Variants in TMX4 observed in about 807,000 individuals in gnomAD.
The protein encoded by TMX4 is thioredoxin-related transmembrane protein 4.
Under a neutral mutation model 33.3 loss-of-function variants are expected in TMX4, and 23 were observed. The observed-to-expected ratio is 0.69, with a 90% CI of 0.50 to 0.98. The LOEUF is 0.98. Among genes scored for constraint, TMX4 ranks in the 50% least tolerant of loss-of-function variants. The pLI is 0.00. For synonymous variants in TMX4, 164 were observed against 161.5 expected, an observed-to-expected ratio of 1.02 and a Z score of -0.12; for missense variants, 399 against 448.9, an observed-to-expected ratio of 0.89 and a Z score of 1.01.
At position 7,980,301 on chromosome 20, in the gene TMX4, A is replaced by T. The variant is rs972550979; in HGVS notation, c.*1950T>A. 1 of 152,220 alleles carries T rather than the reference A, an allele frequency of 6.6e-6. No individual in the cohort carries two copies. The highest frequency in any genetic ancestry group is 2.4e-5 in the African/African-American group (1 of 41,456). 9.4% of individuals were successfully genotyped at this position (152,220 alleles called of 1,614,324 possible). On this transcript the variant is annotated 3_prime_UTR_variant, in exon 8 of 8. Transcript: ENST00000246024. ...AAAGCCAAACTATGAAACCATTCTT[A>T]TTCCATAATACCTCTGAACCTGAGT...
intron 4 of TMX4, among the ~76,000 whole-genome samples, chr20:7,998,787 C>T (rs1600143837): frequency 6.6e-6 from 1 of 152,196 alleles, no homozygotes; most frequent in Admixed American, 6.5e-5. Flanking sequence ...TCAGATCTCA[C>T]CTAGAGGCGT....
At chr20:8,008,453 CTTA>C (rs2050739522) in intron 2 of TMX4, among the ~76,000 whole-genome samples, 1 of 152,048 alleles carries the variant, frequency 6.6e-6, no homozygotes, top group Admixed American at 6.6e-5. Context: ...CAATTTCTCT[CTTA>C]TTTCATTATC....
chr20:8,013,036 G>A (rs1308243491), intron 1 of TMX4, among the ~76,000 whole-genome samples: 5 of 152,044 alleles, frequency 3.3e-5, no homozygotes, highest in South Asian at 4.1e-4. Context: ...CTAAAGAACA[G>A]TAATTTGTAT....
chr20:8,000,976 C>G (rs531385163), intron 3 of TMX4, among the ~76,000 whole-genome samples: 1 of 152,306 alleles, frequency 6.6e-6, no homozygotes, highest in South Asian at 2.1e-4. Context: ...CTTCCCACAG[C>G]TAATCAGTCA....
intron 1 of TMX4, among the ~76,000 whole-genome samples, chr20:8,014,155 T>C (rs1227707873): frequency 6.6e-6 from 1 of 152,184 alleles, no homozygotes; most frequent in Non-Finnish European, 1.5e-5. Flanking sequence ...AGAGGAAACA[T>C]AAAAACTGGC....
rs749898443 is a variant in TMX4, at chr20:7,982,287, C to T, written c.1014G>A (p.Arg338=). 5 of 1,613,910 alleles carry T rather than the reference C, an allele frequency of 3.1e-6. No individual in the cohort carries two copies. Among genetic ancestry groups the T allele is most frequent in the Non-Finnish European group, 3.4e-6 (4 of 1,180,004 alleles). ...ADTEVVEDSL[R]QRKSQHADKG... ...TGTCAGCATGCTGACTTTTACGCTG[C>T]CTCAAGGAGTCTTCCACCACCTCTG... The change falls in exon 8 of 8, where the codon AGG becomes AGA. Residue 338 remains arginine, a synonymous_variant. Coordinates refer to ENST00000246024, the MANE Select transcript of TMX4 (RefSeq NM_021156.4).
chr20:8,001,382 T>C, intron 3 of TMX4, 114 bp downstream of exon 3: 3 of 1,102,068 alleles, frequency 2.7e-6, no homozygotes, highest in Non-Finnish European at 4.0e-6. Flanking sequence ...ACCAGCCTTG[T>C]TTCCCTCACA....
intron 2 of TMX4, among the ~76,000 whole-genome samples, chr20:8,004,644 T>G (rs547366143): frequency 2.6e-5 from 4 of 152,166 alleles, no homozygotes; most frequent in Non-Finnish European, 4.4e-5. Flanking sequence ...AAAGAAAAAT[T>G]AAAAGCTTAG....
rs747388581 is a variant in TMX4 at position 7,982,597 on chromosome 20, G to C, written c.704C>G (p.Ala235Gly). ...RSEQNRRSEE[A>G]HRAEQLQDAE... ...ATCCTGCAACTGTTCAGCTCTATGA[G>C]CCTCCTCTGATCTCCGATTCTGCTC... The change falls in exon 8 of 8, where the codon GCT becomes GGT. Residue 235 changes from alanine (A) to glycine (G), a missense_variant. Coordinates refer to ENST00000246024, the MANE Select transcript of TMX4 (RefSeq NM_021156.4). The C allele has an allele frequency of 2.3e-5, 37 of 1,612,586 alleles. No homozygotes were observed. Among genetic ancestry groups the C allele is most frequent in the Non-Finnish European group, 3.1e-5 (37 of 1,179,812 alleles).
chr20:8,003,685 A>T (rs2050716419), intron 2 of TMX4, among the ~76,000 whole-genome samples: 1 of 152,132 alleles, frequency 6.6e-6, no homozygotes, highest in Non-Finnish European at 1.5e-5. Flanking sequence ...ATGGTCTCTG[A>T]GGTTTTTCTG....
intron 2 of TMX4, among the ~76,000 whole-genome samples, chr20:8,004,431 A>C (rs1025207705): frequency 6.6e-6 from 1 of 152,224 alleles, no homozygotes; most frequent in Non-Finnish European, 1.5e-5. Context: ...GGAAGAAACA[A>C]GTATACTCCT....
At position 7,987,290 on chromosome 20, in the gene TMX4, G is replaced by A. The variant is rs1273310707; in HGVS notation, c.613C>T (p.Leu205=). ...ATLVFGLFMG[L]VLVVISECFY... is the part of the protein sequence containing the mutation. The stretch of plus-strand genomic sequence containing the variant: ...AAAAGTTTGGTATTATCTCTTACCA[G>A]ACCCATAAAAAGGCCAAAAACCAAG... The change falls in exon 6 of 8, where the codon CTG becomes TTG. Residue 205 remains leucine, a splice_region_variant and synonymous_variant. Coordinates refer to ENST00000246024, the MANE Select transcript of TMX4 (RefSeq NM_021156.4). The A allele has an allele frequency of 6.3e-7, 1 of 1,576,042 alleles. No individual in the cohort carries two copies. Among genetic ancestry groups the A allele is most frequent in the Non-Finnish European group, 8.6e-7 (1 of 1,164,120 alleles).
intron 2 of TMX4, among the ~76,000 whole-genome samples, chr20:8,009,840 G>A (rs1408719740): frequency 2.2e-5 from 3 of 138,360 alleles, no homozygotes; most frequent in Non-Finnish European, 4.5e-5. Flanking sequence ...AACCATGATT[G>A]GATCCTCAGT....
Position 7,986,079 on chromosome 20 carries a change from C to T in TMX4, c.615+1209G>A, listed in dbSNP as rs1256829021. Among the ~76,000 whole-genome samples, 5 of 152,262 alleles carry T rather than the reference C, an allele frequency of 3.3e-5. 1 individual carries two copies. The highest frequency in any genetic ancestry group is 3.9e-4 in the East Asian group (2 of 5,184). ...CCAAAATACACTGCTAGAAAAATCT[C>T]GCACCAGACAACAGATGGGAGAAGC... is the stretch of plus-strand genomic sequence containing the variant. On this transcript the variant is annotated intron_variant, in intron 6 of 7. Coordinates refer to ENST00000246024, the MANE Select transcript of TMX4 (RefSeq NM_021156.4).
chr20:7,990,958 A>G (rs937897343), intron 5 of TMX4, among the ~76,000 whole-genome samples: 2 of 152,220 alleles, frequency 1.3e-5, no homozygotes, highest in African/African-American at 4.8e-5. Context: ...ATAACATTCT[A>G]CAAAACATTC....
At chr20:7,996,218 T>C (rs569971249) in intron 4 of TMX4, 147 bp from the exon 5 acceptor site, 1 of 614,904 alleles carries the variant, frequency 1.6e-6, no homozygotes, top group African/African-American at 1.9e-5. Flanking sequence ...TTACAGAGCT[T>C]AGATTCAGTG....
intron 1 of TMX4, among the ~76,000 whole-genome samples, chr20:8,015,355 A>G (rs1241871599): frequency 4.6e-5 from 7 of 152,206 alleles, no homozygotes; most frequent in African/African-American, 1.7e-4. Flanking sequence ...TGAGACTACT[A>G]CTAGAATATA....
rs141114688 is a variant in TMX4, at chr20:7,987,176, A to G, written c.615+112T>C. ...ACAAGCAAATGCTATTTAACTACTT[A>G]GATTGCACAAAATACTATTTTTTAT... On this transcript the variant is annotated intron_variant, in intron 6 of 7. Coordinates refer to ENST00000246024, the MANE Select transcript of TMX4 (RefSeq NM_021156.4). 195 of 746,084 alleles carry G rather than the reference A, an allele frequency of 2.6e-4. No individual in the cohort carries two copies. The African/African-American group carries it at 3.1e-3, about 12-fold the overall frequency. 46.2% of individuals were successfully genotyped at this position (746,084 alleles called of 1,614,324 possible).
In TMX4 at chr20:8,018,527, A is replaced by T. The variant is rs187442556; in HGVS notation, c.176+911T>A. Among the ~76,000 whole-genome samples the T allele has an allele frequency of 0.024, 859 of 36,034 alleles. 198 individuals are homozygous for T. The East Asian group carries it at 0.34, about 14-fold the overall frequency. 23.6% of individuals were successfully genotyped at this position (36,034 alleles called of 152,430 possible). A position where few individuals can be genotyped will look rare whatever the true frequency, so the allele number is the denominator to read the frequency against. ...GAGAGAGAGAGAGAGAGAGAGAGAG[A>T]GTCTGCAAGCCCACCATGATGGTCT... On this transcript the variant is annotated intron_variant, in intron 1 of 7. Coordinates refer to ENST00000246024, the MANE Select transcript of TMX4 (RefSeq NM_021156.4).
Sources: allele counts gnomAD v4.1 joint callset (sites outside exome capture counted in the v4.1 genomes callset), GRCh38; gene constraint gnomAD v4.1.1; transcripts MANE v1.5; gene names NCBI Gene and HGNC (gene_info 2026-07-23, HGNC 2026-07-21).